Variants in MIA2 observed in about 807,000 individuals in gnomAD.
MIA2 encodes the protein melanoma inhibitory activity protein 2.
A neutral mutation model predicts 167.8 loss-of-function variants in MIA2; 127 were observed. That is an observed-to-expected ratio of 0.76 (90% CI 0.66 to 0.88). The LOEUF (loss-of-function observed/expected upper bound fraction) is 0.88, where lower values mean the gene tolerates loss of function less well. MIA2 is among the 40% of genes least tolerant of loss of function. MIA2 has a pLI of 0.00. For synonymous variants in MIA2, 552 were observed against 541.9 expected (o/e 1.02, Z -0.26); for missense variants, 1,690 against 1,624.7 (o/e 1.04, Z -0.69).
chr14:39,279,097 G>T (rs1288770133), intron 7 of MIA2, among the ~76,000 whole-genome samples: 2 of 143,122 alleles, frequency 1.4e-5, no homozygotes, highest in Non-Finnish European at 3.0e-5. Context: ...GGAGGTGGAG[G>T]TTGCAGTGAG....
chr14:39,334,296 A>C (rs1274381806), intron 25 of MIA2, among the ~76,000 whole-genome samples: 1 of 152,020 alleles, frequency 6.6e-6, no homozygotes, highest in Non-Finnish European at 1.5e-5. Context: ...CTAACATGGC[A>C]AAACCCTGTT....
intron 23 of MIA2, among the ~76,000 whole-genome samples, chr14:39,375,668 G>C (rs2075030981): frequency 6.6e-6 from 1 of 152,168 alleles, no homozygotes; most frequent in Non-Finnish European, 1.5e-5. Flanking sequence ...CTACACTCCA[G>C]CTTGTGTGAC....
intron 13 of MIA2, among the ~76,000 whole-genome samples, chr14:39,298,538 T>TTTTTTTTTTTTTG (rs2061848995): frequency 4.6e-4 from 1 of 2,186 alleles, no homozygotes; most frequent in African/African-American, 2.9e-3. Context: ...GAGTTTTTTT[T>TTTTTTTTTTTTTG]TTTTTTTTTT....
At position 39,298,437 on chromosome 14, in the gene MIA2, A is replaced by G. The variant is rs1436462679; in HGVS notation, c.2497-1427A>G. On this transcript the variant is annotated intron_variant, in intron 13 of 28. Coordinates refer to ENST00000640607, the MANE Select transcript of MIA2 (RefSeq NM_001329214.4). The stretch of plus-strand genomic sequence containing the variant: ...TTTATATATATATATATATATATAT[A>G]TATATAAAGATTAGTTTTTCATGTG... Among the ~76,000 whole-genome samples, 20 of 17,866 alleles carry G rather than the reference A, an allele frequency of 1.1e-3. 3 individuals are homozygous for G. The South Asian group carries it at 0.016, about 14-fold the overall frequency. The allele number at this position is 17,866 out of a possible 152,430, so 11.7% of individuals were successfully genotyped here.
chr14:39,249,493 A>G (rs762656768), intron 4 of MIA2, among the ~76,000 whole-genome samples: 15 of 152,018 alleles, frequency 9.9e-5, no homozygotes, highest in Non-Finnish European at 1.6e-4. Context: ...CCCAGCTGAT[A>G]ACAAGGGTTT....
At position 39,288,462 on chromosome 14, in the gene MIA2, TA is replaced by T. The variant is rs1318683481; in HGVS notation, c.2131-2556del. Among the ~76,000 whole-genome samples, 55 of 20,038 alleles carry T rather than the reference TA, an allele frequency of 2.7e-3. 3 individuals carry two copies. The highest frequency in any genetic ancestry group is 4.0e-3 in the African/African-American group (23 of 5,744). 13.1% of individuals were successfully genotyped at this position (20,038 alleles called of 152,430 possible). On this transcript the variant is annotated intron_variant, in intron 9 of 28. Coordinates refer to ENST00000640607, the MANE Select transcript of MIA2 (RefSeq NM_001329214.4). ...ATATATATATATATATATATATATA[TA>T]TATATATATATATTTTTTTTTTTTT... is the stretch of plus-strand genomic sequence containing the variant.
At position 39,294,035 on chromosome 14, in the gene MIA2, A is replaced by G. The variant is rs375985009; in HGVS notation, c.2355A>G (p.Glu785=). ...TTTCAAAAAGGATACAGTCTCTAGA[A>G]GATGAGTCAAAATCCCTCAAATCAC... ...ADISKRIQSL[E]DESKSLKSQV... is the part of the protein sequence containing the mutation. The change falls in exon 12 of 29, where the codon GAA becomes GAG. Residue 785 remains glutamate (E), a synonymous_variant. Coordinates refer to ENST00000640607, the MANE Select transcript of MIA2 (RefSeq NM_001329214.4). The G allele has an allele frequency of 1.9e-6, 3 of 1,612,396 alleles. No homozygotes were observed. The African/African-American group carries it at 4.0e-5, about 22-fold the overall frequency.
chr14:39,323,763 T>C (rs746917846), intron 24 of MIA2, among the ~76,000 whole-genome samples: 4 of 152,202 alleles, frequency 2.6e-5, no homozygotes, highest in Admixed American at 1.3e-4. Context: ...ATTACATAAG[T>C]CAAGGATTGC....
intron 24 of MIA2, among the ~76,000 whole-genome samples, chr14:39,322,781 G>T (rs960795800): frequency 2.0e-5 from 3 of 151,930 alleles, no homozygotes; most frequent in Non-Finnish European, 2.9e-5. Context: ...AATTTGTGGC[G>T]AAATTCAAAG....
At chr14:39,302,821 T>C (rs1410708644) in intron 15 of MIA2, among the ~76,000 whole-genome samples, 2 of 152,180 alleles carry the variant, frequency 1.3e-5, no homozygotes, top group South Asian at 2.1e-4. Flanking sequence ...TTTTGAAATA[T>C]GGCATCATAG....
chr14:39,340,593 T>C (rs188938476), intron 25 of MIA2, among the ~76,000 whole-genome samples: 58 of 152,348 alleles, frequency 3.8e-4, no homozygotes, highest in African/African-American at 1.3e-3. Context: ...AGTAGAATTA[T>C]AGTTTGTCTT....
In MIA2 at chr14:39,344,943, G is replaced by A. The variant is rs1034988450; in HGVS notation, c.3656-961G>A. 2.0e-5 allele frequency among the ~76,000 whole-genome samples: 3 copies of A among 152,296 alleles called. No individual in the cohort carries two copies. In the Middle Eastern group the frequency reaches 0.01, roughly 518 times the overall value. ...ATCATAAATCACCCCTGGGGACAAA[G>A]GGTGGCTGTAGAAGCACTTGAGATA... On this transcript the variant is annotated intron_variant, in intron 25 of 28. Transcript: ENST00000640607.
chr14:39,334,036 A>G (rs78805065), intron 25 of MIA2, among the ~76,000 whole-genome samples: 2,933 of 152,320 alleles, frequency 0.019, 105 homozygotes, highest in African/African-American at 0.067. Context: ...ATTTATGATG[A>G]GTGAGAAGGG....
At chr14:39,317,041 A>G (rs1486462337) in intron 21 of MIA2, among the ~76,000 whole-genome samples, 2 of 152,204 alleles carry the variant, frequency 1.3e-5, no homozygotes, top group African/African-American at 4.8e-5. Flanking sequence ...CTCAGATGAC[A>G]TGGGTAGAGG....
Position 39,341,082 on chromosome 14 carries a change from A to G in MIA2, c.3656-4822A>G, listed in dbSNP as rs569164167. Among the ~76,000 whole-genome samples, 3 of 152,202 alleles carry G rather than the reference A, an allele frequency of 2.0e-5. No individual in the cohort carries two copies. In the East Asian group the frequency reaches 5.8e-4, roughly 29 times the overall value. On this transcript the variant is annotated intron_variant, in intron 25 of 28. Coordinates refer to ENST00000640607, the MANE Select transcript of MIA2 (RefSeq NM_001329214.4). ...TTTGGGAAGCTGAGGCGGGCAGATC[A>G]CCTGAGGTCAGAAGTTCAAGACCAA...
chr14:39,352,216 G>A (rs1377433560), downstream of MIA2, among the ~76,000 whole-genome samples: 3 of 113,108 alleles, frequency 2.7e-5, no homozygotes, highest in African/African-American at 1.0e-4. Flanking sequence ...TTTTTTTTTG[G>A]TTGAATACTT....
intron 13 of MIA2, among the ~76,000 whole-genome samples, chr14:39,297,820 T>G (rs1347966202): frequency 6.6e-6 from 1 of 152,136 alleles, no homozygotes; most frequent in African/African-American, 2.4e-5. Flanking sequence ...TGGCCAGTCC[T>G]CCTTTTTTCC....
chr14:39,367,655 T>C (rs1276341437), intron 23 of MIA2, among the ~76,000 whole-genome samples: 1 of 152,344 alleles, frequency 6.6e-6, no homozygotes, highest in East Asian at 1.9e-4. Flanking sequence ...CTCAGGTATT[T>C]CCTGTCACTT....
At chr14:39,266,993 C>A in intron 6 of MIA2, 2 of 832,194 alleles carry the variant, frequency 2.4e-6, no homozygotes, top group Non-Finnish European at 2.9e-6. Flanking sequence ...GAATCTCATC[C>A]TCTAGTCCCA....
Sources: gnomAD v4.1 joint callset for allele counts (sites outside exome capture counted in the v4.1 genomes callset) on GRCh38, gnomAD v4.1.1 for gene constraint, MANE v1.5 for transcripts, NCBI Gene and HGNC (gene_info 2026-07-23, HGNC 2026-07-21) for gene names.